TRPM7: variants seen among roughly 807,000 people sequenced by gnomAD.
TRPM7 encodes LTRPC ion channel family member 7.
Under a neutral mutation model 229.7 loss-of-function variants are expected in TRPM7, and 134 were observed. The observed-to-expected ratio is 0.58, with a 90% CI of 0.51 to 0.67. The LOEUF (loss-of-function observed/expected upper bound fraction) is 0.67. TRPM7 is among the 30% of genes least tolerant of loss of function. The probability of loss-of-function intolerance (pLI) is 0.00; values close to 1 mark genes in which losing one functional copy is unlikely to be tolerated. For synonymous variants in TRPM7, 699 were observed against 715.2 expected (o/e 0.98, Z 0.36); for missense variants, 1,901 against 2,210.0 (o/e 0.86, Z 2.80).
At chr15:50,656,803 G>C (rs899882610) in intron 3 of TRPM7, among the ~76,000 whole-genome samples, 5 of 151,878 alleles carry the variant, frequency 3.3e-5, no homozygotes, top group African/African-American at 1.2e-4. Context: ...AATTTACTCA[G>C]TTGCCTAAGA....
intron 27 of TRPM7, among the ~76,000 whole-genome samples, chr15:50,588,688 C>G (rs1332217336): frequency 6.6e-6 from 1 of 152,166 alleles, no homozygotes; most frequent in Non-Finnish European, 1.5e-5. Context: ...AGAAGCTTAA[C>G]ACCTTTCTAG....
chr15:50,578,704 G>A, intron 30 of TRPM7, 40 bp from the exon 31 acceptor site: 2 of 1,466,934 alleles, frequency 1.4e-6, no homozygotes, highest in South Asian at 1.6e-5. Context: ...GCTGTGCTAT[G>A]ATTTAAGTTT....
chr15:50,676,220 C>T (rs1236682799), intron 1 of TRPM7, among the ~76,000 whole-genome samples: 1 of 152,070 alleles, frequency 6.6e-6, no homozygotes, highest in African/African-American at 2.4e-5. Flanking sequence ...ATCCTTCCTG[C>T]CTAGATGCTG....
intron 1 of TRPM7, among the ~76,000 whole-genome samples, chr15:50,683,872 CA>C (rs1389141120): frequency 5.9e-5 from 9 of 151,978 alleles, no homozygotes; most frequent in African/African-American, 2.2e-4. Flanking sequence ...AGAATCTGAT[CA>C]AGTCTTTTTT....
At chr15:50,673,242 T>C (rs1328642651) in intron 1 of TRPM7, among the ~76,000 whole-genome samples, 2 of 152,138 alleles carry the variant, frequency 1.3e-5, no homozygotes, top group South Asian at 2.1e-4. Flanking sequence ...AAATGCCTTA[T>C]ACACCTATAC....
chr15:50,588,247 G>C (rs1218777928), intron 27 of TRPM7: 1 of 984,622 alleles, frequency 1.0e-6, no homozygotes, highest in East Asian at 1.1e-4. Flanking sequence ...TCATTCTGCT[G>C]CTCCTATTTG....
chr15:50,619,819 AG>A lies in TRPM7; in HGVS notation c.1441-22del, dbSNP rs755422963. Reference sequence around the variant, plus strand: ...TGTTTCTTTAGGGAGAAAAAGTTACAGCAAACTATTATTTTTCTTCTAAACT... The same window carrying A: ...TGTTTCTTTAGGGAGAAAAAGTTACACAAACTATTATTTTTCTTCTAAACT... On this transcript the variant is annotated intron_variant, in intron 12 of 38. Transcript: ENST00000646667. The A allele has an allele frequency of 1.9e-6, 3 of 1,587,294 alleles. No individual in the cohort carries two copies. The South Asian group carries it at 3.5e-5, about 19-fold the overall frequency.
intron 10 of TRPM7, among the ~76,000 whole-genome samples, chr15:50,630,216 C>G (rs530145474): frequency 1.3e-5 from 2 of 150,070 alleles, no homozygotes; most frequent in Admixed American, 6.7e-5. Context: ...TTTTTGGTTT[C>G]TAGGTTTCCT....
chr15:50,568,922 G>A (rs1415464444), intron 38 of TRPM7, among the ~76,000 whole-genome samples: 2 of 152,158 alleles, frequency 1.3e-5, no homozygotes, highest in African/African-American at 4.8e-5. Flanking sequence ...GGTGGAAGCT[G>A]CAGTGAGCTG....
rs933016725 is a variant in TRPM7 at position 50,661,482 on chromosome 15, G to T, written c.83+1485C>A. 2.0e-5 allele frequency among the ~76,000 whole-genome samples: 3 copies of T among 152,088 alleles called. No homozygotes were observed. In the South Asian group the frequency reaches 6.2e-4, roughly 32 times the overall value. ...TTTGTTTCTCAAAAGTTTTTTAAATGTATCATATACATTACACTTTCAATG... is the reference window on the plus strand; with the variant it reads ...TTTGTTTCTCAAAAGTTTTTTAAATTTATCATATACATTACACTTTCAATG... On this transcript the variant is annotated intron_variant, in intron 2 of 38. Coordinates refer to ENST00000646667, the MANE Select transcript of TRPM7 (RefSeq NM_017672.6).
chr15:50,565,471 T>C (rs977193174), intron 38 of TRPM7, among the ~76,000 whole-genome samples: 5 of 152,110 alleles, frequency 3.3e-5, no homozygotes, highest in Non-Finnish European at 5.9e-5. Flanking sequence ...AGAAAAAGTA[T>C]ACGTCAAAAT....
At chr15:50,618,352 C>T (rs1415878099) in intron 13 of TRPM7, among the ~76,000 whole-genome samples, 2 of 151,962 alleles carry the variant, frequency 1.3e-5, no homozygotes, top group Admixed American at 6.6e-5. Flanking sequence ...GGGCAGATCA[C>T]GAGGTCAGGA....
chr15:50,638,324 A>G (rs1437140231), intron 6 of TRPM7, among the ~76,000 whole-genome samples: 1 of 128,290 alleles, frequency 7.8e-6, no homozygotes, highest in Non-Finnish European at 1.6e-5. Flanking sequence ...GCGCCACTGC[A>G]CTCCAGCCTG....
Position 50,578,597 on chromosome 15 carries a change from G to C in TRPM7, c.4618+42C>G, listed in dbSNP as rs369389958. On this transcript the variant is annotated intron_variant, in intron 31 of 38. Transcript: ENST00000646667. ...GTGTTTGCTGTAACAGATCATGTAA[G>C]ATTCTCATTTTTTTCACGTTCAATC... 3 of 1,588,936 alleles carry C rather than the reference G, an allele frequency of 1.9e-6. No individual in the cohort carries two copies. The African/African-American group carries it at 4.0e-5, about 21-fold the overall frequency.
At chr15:50,669,640 G>A (rs1437361371) in intron 1 of TRPM7, among the ~76,000 whole-genome samples, 42 of 152,140 alleles carry the variant, frequency 2.8e-4, no homozygotes, top group Non-Finnish European at 8.8e-5. Flanking sequence ...GGACACTGGA[G>A]TGAGAAAAAA....
Position 50,579,019 on chromosome 15 carries a change from T to C in TRPM7, c.4593-355A>G, listed in dbSNP as rs149128177. Among the ~76,000 whole-genome samples the C allele has an allele frequency of 1.9e-3, 290 of 152,322 alleles. 1 individual carries two copies. The highest frequency in any genetic ancestry group is 6.4e-3 in the African/African-American group (266 of 41,568). On this transcript the variant is annotated intron_variant, in intron 30 of 38. Transcript: ENST00000646667. ...CCAGTACTGTAACAATACATTGAGA[T>C]GACTTTGCAGGATGCTAGAAATATT...
intron 1 of TRPM7, among the ~76,000 whole-genome samples, chr15:50,681,053 C>T (rs2062230877): frequency 6.6e-6 from 1 of 152,078 alleles, no homozygotes; most frequent in African/African-American, 2.4e-5. Context: ...GAGTTCGAGA[C>T]CAGCCTGACC....
intron 4 of TRPM7, among the ~76,000 whole-genome samples, chr15:50,648,368 A>G (rs1567078811): frequency 3.9e-5 from 6 of 152,250 alleles, no homozygotes; most frequent in Admixed American, 3.9e-4. Context: ...CACAGCAGAC[A>G]ACATTTTTAA....
intron 7 of TRPM7, among the ~76,000 whole-genome samples, chr15:50,636,174 T>A: frequency 6.7e-6 from 1 of 150,146 alleles, no homozygotes. Flanking sequence ...TGTAGGACTA[T>A]AAACAATTCT....
Sources: allele counts gnomAD v4.1 joint callset (sites outside exome capture counted in the v4.1 genomes callset), GRCh38; gene constraint gnomAD v4.1.1; transcripts MANE v1.5; gene names NCBI Gene and HGNC (gene_info 2026-07-23, HGNC 2026-07-21).